DSCAM: variants seen among roughly 807,000 people sequenced by gnomAD.
DSCAM encodes the protein DS cell adhesion molecule.
A neutral mutation model predicts 217.7 loss-of-function variants in DSCAM; 47 were observed. That is an observed-to-expected ratio of 0.22 (90% CI 0.17 to 0.28). DSCAM has a LOEUF of 0.28. Ranked by LOEUF, DSCAM falls within the 10% of genes least tolerant of loss-of-function variation. The probability of loss-of-function intolerance (pLI) is 1.00; values close to 1 mark genes in which losing one functional copy is unlikely to be tolerated. For missense variants in DSCAM, 2,080 were observed against 2,618.3 expected (o/e 0.79, Z 4.49); for synonymous variants, 1,056 against 1,015.3 (o/e 1.04, Z -0.76).
At chr21:40,097,954 A>AAAAAAAAAAG (rs1555877400) in intron 20 of DSCAM, among the ~76,000 whole-genome samples, 1 of 51,514 alleles carries the variant, frequency 1.9e-5, no homozygotes, top group African/African-American at 8.2e-5. Context: ...AAAAAAAAAA[A>AAAAAAAAAAG]AAAGAAAGAA....
intron 28 of DSCAM, among the ~76,000 whole-genome samples, chr21:40,058,540 ATATCTGTGAAGTAAATCC>A (rs1347569983): frequency 6.6e-6 from 1 of 152,192 alleles, no homozygotes; most frequent in Non-Finnish European, 1.5e-5. Context: ...TGCTCAATAA[ATATCTGTGAAGTAAATCC>A]TCACATTGAT....
At chr21:40,373,358 T>C (rs1305422561) in intron 3 of DSCAM, among the ~76,000 whole-genome samples, 1 of 151,890 alleles carries the variant, frequency 6.6e-6, no homozygotes, top group South Asian at 2.1e-4. Flanking sequence ...ACCAGCACTG[T>C]CCTAGGCTCC....
At chr21:40,659,199 A>G (rs1354388482) in intron 3 of DSCAM, among the ~76,000 whole-genome samples, 3 of 152,180 alleles carry the variant, frequency 2.0e-5, no homozygotes, top group Non-Finnish European at 4.4e-5. Context: ...AAACTCTGGG[A>G]AGGCTATGAT....
intron 3 of DSCAM, among the ~76,000 whole-genome samples, chr21:40,394,854 G>A (rs543982295): frequency 2.0e-5 from 3 of 152,308 alleles, no homozygotes; most frequent in African/African-American, 7.2e-5. Context: ...GGAGTACTAA[G>A]AGAGATTAGG....
intron 24 of DSCAM, among the ~76,000 whole-genome samples, chr21:40,081,808 A>G (rs969762101): frequency 2.0e-5 from 3 of 152,314 alleles, no homozygotes; most frequent in Non-Finnish European, 4.4e-5. Context: ...GGCTTTGGCC[A>G]CTACTGTGTT....
At chr21:40,644,001 C>T (rs1219344979) in intron 3 of DSCAM, among the ~76,000 whole-genome samples, 1 of 152,178 alleles carries the variant, frequency 6.6e-6, no homozygotes, top group Non-Finnish European at 1.5e-5. Flanking sequence ...GCAGGCTCAC[C>T]ATGCATAAAA....
intron 3 of DSCAM, among the ~76,000 whole-genome samples, chr21:40,511,254 GA>G (rs910935237): frequency 7.2e-5 from 11 of 152,198 alleles, no homozygotes; most frequent in Admixed American, 7.2e-4. Context: ...TATAGATAAA[GA>G]AATAGGAATT....
Position 40,052,119 on chromosome 21 carries a change from C to T in DSCAM, c.5036-12G>A, listed in dbSNP as rs770366380. On this transcript the variant is annotated splice_polypyrimidine_tract_variant and intron_variant, in intron 29 of 32. Coordinates refer to ENST00000400454, the MANE Select transcript of DSCAM (RefSeq NM_001389.5). ...CGTGGAGCGATCATCTACAGGATGG[C>T]AGGAACACAGAAAGCCAAACACGTT... is the stretch of plus-strand genomic sequence containing the variant. 1.2e-6 allele frequency: 2 copies of T among 1,612,538 alleles called. No homozygotes were observed. Among genetic ancestry groups the T allele is most frequent in the Non-Finnish European group, 1.7e-6 (2 of 1,179,350 alleles).
intron 3 of DSCAM, among the ~76,000 whole-genome samples, chr21:40,551,445 G>A (rs994907775): frequency 4.7e-4 from 71 of 152,170 alleles, no homozygotes; most frequent in African/African-American, 1.7e-3. Context: ...TTATTATGTA[G>A]ATGAAGTCTC....
intron 16 of DSCAM, among the ~76,000 whole-genome samples, chr21:40,164,375 A>C (rs1255387924): frequency 6.6e-6 from 1 of 152,132 alleles, no homozygotes; most frequent in Non-Finnish European, 1.5e-5. Flanking sequence ...AGGCGAGGCA[A>C]GATAAGGGGC....
At chr21:40,450,373 C>G (rs901217185) in intron 3 of DSCAM, among the ~76,000 whole-genome samples, 1 of 152,070 alleles carries the variant, frequency 6.6e-6, no homozygotes, top group Non-Finnish European at 1.5e-5. Flanking sequence ...TTTGATGTAC[C>G]ACTGTTTGCC....
chr21:40,045,164 G>A (rs1365393819), intron 30 of DSCAM, among the ~76,000 whole-genome samples: 6 of 152,200 alleles, frequency 3.9e-5, no homozygotes, highest in Non-Finnish European at 1.5e-5. Context: ...GTGGTACTAC[G>A]TTAAAACAGC....
At chr21:40,830,993 G>A (rs893969667) in intron 1 of DSCAM, among the ~76,000 whole-genome samples, 1 of 152,176 alleles carries the variant, frequency 6.6e-6, no homozygotes, top group Admixed American at 6.5e-5. Context: ...CAATTGTCAC[G>A]ACAGGGGACC....
At chr21:40,538,215 T>C (rs2076514927) in intron 3 of DSCAM, among the ~76,000 whole-genome samples, 1 of 152,102 alleles carries the variant, frequency 6.6e-6, no homozygotes, top group African/African-American at 2.4e-5. Context: ...AGAGGTCACG[T>C]GTTTGATCAA....
chr21:40,177,639 A>G lies in DSCAM; in HGVS notation c.2947+1288T>C, dbSNP rs1210735641. ...AAAATGATCTTGGAGATAGCAAAAG[A>G]CATACCACCAGGATGTTCATTGTAG... is the stretch of plus-strand genomic sequence containing the variant. On this transcript the variant is annotated intron_variant, in intron 15 of 32. Coordinates refer to ENST00000400454, the MANE Select transcript of DSCAM (RefSeq NM_001389.5). Among the ~76,000 whole-genome samples the G allele has an allele frequency of 3.9e-5, 6 of 152,246 alleles. No individual in the cohort carries two copies. The East Asian group carries it at 1.2e-3, about 29-fold the overall frequency.
chr21:40,489,200 C>G (rs1360969174), intron 3 of DSCAM, among the ~76,000 whole-genome samples: 1 of 152,210 alleles, frequency 6.6e-6, no homozygotes, highest in Non-Finnish European at 1.5e-5. Flanking sequence ...TCAGTGGACT[C>G]TGAGCAAAGC....
At chr21:40,472,431 T>C (rs907062981) in intron 3 of DSCAM, among the ~76,000 whole-genome samples, 33 of 152,358 alleles carry the variant, frequency 2.2e-4, no homozygotes, top group African/African-American at 7.9e-4. Context: ...GAAATAATCA[T>C]ATTTTAATCT....
rs35320680 is a variant in DSCAM, at chr21:40,272,075, ATT to A, written c.2356+4020_2356+4021del. 3.5e-3 allele frequency among the ~76,000 whole-genome samples: 505 copies of A among 145,262 alleles called. 4 individuals are homozygous for A. The highest frequency in any genetic ancestry group is 0.011 in the African/African-American group (439 of 39,800). On this transcript the variant is annotated intron_variant, in intron 11 of 32. Coordinates refer to ENST00000400454, the MANE Select transcript of DSCAM (RefSeq NM_001389.5). ...ATTATTTTCCTCGATTGACAGAGCT[ATT>A]TTTTTTTTTTTTAACATAAAGTCAT... is the stretch of plus-strand genomic sequence containing the variant.
chr21:40,512,518 T>C (rs2076267470), intron 3 of DSCAM, among the ~76,000 whole-genome samples: 1 of 150,386 alleles, frequency 6.6e-6, no homozygotes, highest in South Asian at 2.1e-4. Context: ...GAGGAGAGAG[T>C]GGGAGGCTGT....
Sources: allele counts gnomAD v4.1 joint callset (sites outside exome capture counted in the v4.1 genomes callset), GRCh38; gene constraint gnomAD v4.1.1; transcripts MANE v1.5; gene names NCBI Gene and HGNC (gene_info 2026-07-23, HGNC 2026-07-21).